EPHA6: variants seen among roughly 807,000 people sequenced by gnomAD.
The protein encoded by EPHA6 is ephrin type-A receptor 6.
EPHA6 carries 50 observed loss-of-function variants against 112.0 expected under a neutral mutation model. That is an observed-to-expected ratio of 0.45 (90% CI 0.36 to 0.56). The LOEUF is 0.56. Among genes scored for constraint, EPHA6 ranks in the 20% least tolerant of loss-of-function variants. The pLI is 0.00. For missense variants in EPHA6, 1,280 were observed against 1,417.4 expected (o/e 0.90, Z 1.56); for synonymous variants, 529 against 490.7 (o/e 1.08, Z -1.03).
At chr3:97,602,222 C>G (rs546431050) in intron 12 of EPHA6, among the ~76,000 whole-genome samples, 1 of 151,984 alleles carries the variant, frequency 6.6e-6, no homozygotes, top group South Asian at 2.1e-4. Flanking sequence ...TTTAATGGAA[C>G]CTTAAGATTA....
At chr3:97,473,719 T>C (rs933723647) in intron 7 of EPHA6, among the ~76,000 whole-genome samples, 6 of 151,880 alleles carry the variant, frequency 4.0e-5, no homozygotes, top group Admixed American at 2.0e-4. Flanking sequence ...AGTGAGAAAA[T>C]ATGACATTTT....
At chr3:97,422,888 A>G (rs1045256388) in intron 6 of EPHA6, among the ~76,000 whole-genome samples, 1 of 152,146 alleles carries the variant, frequency 6.6e-6, no homozygotes, top group African/African-American at 2.4e-5. Flanking sequence ...AGTAAATAAA[A>G]CTAAAAACAA....
intron 5 of EPHA6, among the ~76,000 whole-genome samples, chr3:97,397,838 A>T (rs1168258777): frequency 6.6e-6 from 1 of 151,646 alleles, no homozygotes; most frequent in Non-Finnish European, 1.5e-5. Context: ...AATTGGATTT[A>T]GTATGCATTG....
At chr3:97,295,652 A>G (rs2080850177) in intron 5 of EPHA6, among the ~76,000 whole-genome samples, 2 of 149,628 alleles carry the variant, frequency 1.3e-5, no homozygotes, top group African/African-American at 2.5e-5. Context: ...GTATCTGTGC[A>G]TTGGTGCAAC....
intron 2 of EPHA6, among the ~76,000 whole-genome samples, chr3:96,923,091 C>T (rs2039856579): frequency 6.6e-6 from 1 of 152,130 alleles, no homozygotes; most frequent in African/African-American, 2.4e-5. Context: ...AATAGTGCTG[C>T]AGTGAACATA....
intron 3 of EPHA6, among the ~76,000 whole-genome samples, chr3:97,193,113 G>A (rs368281580): frequency 6.6e-6 from 1 of 152,008 alleles, no homozygotes; most frequent in Non-Finnish European, 1.5e-5. Flanking sequence ...GATAGCTCTC[G>A]CTATTCTAGG....
chr3:96,986,372 T>A (rs1218200474), intron 2 of EPHA6, among the ~76,000 whole-genome samples: 2 of 152,180 alleles, frequency 1.3e-5, no homozygotes, highest in Non-Finnish European at 2.9e-5. Context: ...TAAAGACTTT[T>A]GGTTTGGCTG....
At chr3:96,868,622 T>C (rs1438752407) in intron 2 of EPHA6, among the ~76,000 whole-genome samples, 6 of 151,986 alleles carry the variant, frequency 3.9e-5, no homozygotes, top group African/African-American at 1.2e-4. Context: ...CACTTTTACA[T>C]AGACACTAAT....
At chr3:97,349,348 T>C (rs1472835585) in intron 5 of EPHA6, among the ~76,000 whole-genome samples, 3 of 152,090 alleles carry the variant, frequency 2.0e-5, no homozygotes, top group Non-Finnish European at 4.4e-5. Flanking sequence ...ACTTCAAATA[T>C]GTGAGTATGC....
intron 3 of EPHA6, among the ~76,000 whole-genome samples, chr3:97,126,258 A>G (rs1014214264): frequency 2.0e-5 from 3 of 152,154 alleles, no homozygotes; most frequent in Non-Finnish European, 4.4e-5. Flanking sequence ...TCTAATGGCC[A>G]GGGGATTGTA....
chr3:97,019,232 G>C (rs1038554813), intron 3 of EPHA6, among the ~76,000 whole-genome samples: 3 of 152,066 alleles, frequency 2.0e-5, no homozygotes, highest in African/African-American at 7.2e-5. Flanking sequence ...TGGGTGGCTT[G>C]CCGCCCACAT....
intron 5 of EPHA6, among the ~76,000 whole-genome samples, chr3:97,303,766 G>A (rs2081194754): frequency 6.6e-6 from 1 of 151,984 alleles, no homozygotes; most frequent in South Asian, 2.1e-4. Context: ...AATAAATTTG[G>A]ATTCATAAGA....
intron 15 of EPHA6, among the ~76,000 whole-genome samples, chr3:97,726,239 C>T (rs2034761156): frequency 6.6e-6 from 1 of 152,116 alleles, no homozygotes; most frequent in South Asian, 2.1e-4. Flanking sequence ...TTCAGGCCCC[C>T]TGCTTACTCC....
chr3:97,662,350 T>C (rs1290343319), intron 14 of EPHA6, among the ~76,000 whole-genome samples: 1 of 152,146 alleles, frequency 6.6e-6, no homozygotes, highest in East Asian at 1.9e-4. Context: ...TTAAGCAAGG[T>C]ATAAACTGGA....
chr3:96,910,647 T>G (rs2039170310), intron 2 of EPHA6, among the ~76,000 whole-genome samples: 1 of 152,056 alleles, frequency 6.6e-6, no homozygotes, highest in South Asian at 2.1e-4. Flanking sequence ...TTCTCTTTTC[T>G]TTTCTTAAAT....
intron 14 of EPHA6, among the ~76,000 whole-genome samples, chr3:97,651,330 A>G (rs1047052814): frequency 1.3e-5 from 2 of 152,072 alleles, no homozygotes; most frequent in Non-Finnish European, 2.9e-5. Context: ...CAAATGTTAA[A>G]GCACTTACAA....
At chr3:97,575,699 T>C (rs1462024129) in intron 11 of EPHA6, among the ~76,000 whole-genome samples, 1 of 152,040 alleles carries the variant, frequency 6.6e-6, no homozygotes, top group Non-Finnish European at 1.5e-5. Context: ...CTTTGAAAGG[T>C]TTTAAGCAGG....
At chr3:96,873,217 T>A (rs912594467) in intron 2 of EPHA6, among the ~76,000 whole-genome samples, 19 of 151,588 alleles carry the variant, frequency 1.3e-4, no homozygotes, top group Admixed American at 3.3e-4. Flanking sequence ...TGAGCCAAGA[T>A]CATGCCCCTG....
At chr3:97,118,797 G>T (rs565028348) in intron 3 of EPHA6, among the ~76,000 whole-genome samples, 2 of 152,024 alleles carry the variant, frequency 1.3e-5, no homozygotes, top group South Asian at 4.1e-4. Context: ...CTATTGTGAA[G>T]ATTAAGTTAG....
Sources: gnomAD v4.1 joint callset for allele counts (sites outside exome capture counted in the v4.1 genomes callset) on GRCh38, gnomAD v4.1.1 for gene constraint, MANE v1.5 for transcripts, NCBI Gene and HGNC (gene_info 2026-07-23, HGNC 2026-07-21) for gene names.